The following COPS4 variants were observed in gnomAD, a reference collection of about 807,000 sequenced individuals.
COPS4 encodes COP9 signalosome complex subunit 4.
In COPS4, 8 loss-of-function variants were observed where a neutral mutation model predicts 55.1. That is an observed-to-expected ratio of 0.15 (90% CI 0.09 to 0.26). The LOEUF (loss-of-function observed/expected upper bound fraction) is 0.26. COPS4 is among the 10% of genes least tolerant of loss of function. COPS4 has a pLI of 1.00. For missense variants in COPS4, 248 were observed against 484.0 expected, an observed-to-expected ratio of 0.51 and a Z score of 4.58; for synonymous variants, 185 against 165.7, an observed-to-expected ratio of 1.12 and a Z score of -0.90.
rs960818183 is a variant in COPS4 at position 83,057,919 on chromosome 4, C to CA, written c.715+531dup. On this transcript the variant is annotated intron_variant, in intron 6 of 9. Transcript: ENST00000264389. ...CCAGGGCGACAGAGAGACTCTGTCT[C>CA]AAAAAAAAAAAAAAAAAAAAGAATA... Among the ~76,000 whole-genome samples, 534 of 53,568 alleles carry CA rather than the reference C, an allele frequency of 1.0e-2. 9 individuals carry two copies. Among genetic ancestry groups the CA allele is most frequent in the East Asian group, 0.062 (117 of 1,896 alleles). The allele number at this position is 53,568 out of a possible 152,430, so 35.1% of individuals were successfully genotyped here.
At chr4:83,066,275 A>C (rs1226979554) in intron 7 of COPS4, among the ~76,000 whole-genome samples, 163 bp from the exon 8 acceptor site, 4 of 152,244 alleles carry the variant, frequency 2.6e-5, no homozygotes, top group Non-Finnish European at 4.4e-5. Context: ...ATTTAATTGT[A>C]CATTAATGAA....
intron 4 of COPS4, among the ~76,000 whole-genome samples, chr4:83,054,033 C>T (rs1730955569): frequency 6.6e-6 from 1 of 151,756 alleles, no homozygotes; most frequent in South Asian, 2.1e-4. Context: ...AAAACGGTAC[C>T]AACTGTGAAG....
chr4:83,038,061 G>A (rs1730471742), intron 1 of COPS4, among the ~76,000 whole-genome samples: 1 of 152,198 alleles, frequency 6.6e-6, no homozygotes, highest in South Asian at 2.1e-4. Context: ...TGCATATTAT[G>A]CATTGTATTT....
At chr4:83,069,011 C>A (rs529942153) in intron 9 of COPS4, among the ~76,000 whole-genome samples, 1 of 151,702 alleles carries the variant, frequency 6.6e-6, no homozygotes, top group Non-Finnish European at 1.5e-5. Context: ...CTACTTACTG[C>A]AGGATTTTCT....
chr4:83,057,630 A>G (rs1368322839), intron 6 of COPS4, among the ~76,000 whole-genome samples: 8 of 152,318 alleles, frequency 5.3e-5, no homozygotes, highest in Non-Finnish European at 1.0e-4. Context: ...TGGTAAGAAT[A>G]GTTAAAAGAG....
chr4:83,064,325 A>C (rs1300987546), intron 7 of COPS4, among the ~76,000 whole-genome samples: 3 of 147,140 alleles, frequency 2.0e-5, no homozygotes, highest in Non-Finnish European at 4.6e-5. Flanking sequence ...TGACAGTGTA[A>C]GACCTTGTTA....
intron 1 of COPS4, among the ~76,000 whole-genome samples, chr4:83,040,615 C>T (rs866118585): frequency 2.0e-5 from 3 of 152,224 alleles, no homozygotes; most frequent in Non-Finnish European, 4.4e-5. Flanking sequence ...AGAAGTGCCA[C>T]TCTACCTCTC....
chr4:83,049,426 A>G, intron 3 of COPS4, 109 bp downstream of exon 3: 1 of 1,017,982 alleles, frequency 9.8e-7, no homozygotes, highest in Non-Finnish European at 1.4e-6. Context: ...CATTTTTGAC[A>G]AAACAGTGTG....
intron 4 of COPS4, among the ~76,000 whole-genome samples, chr4:83,052,166 T>C (rs1191808723): frequency 2.0e-5 from 3 of 152,120 alleles, no homozygotes; most frequent in Non-Finnish European, 4.4e-5. Flanking sequence ...TGGGCTACCC[T>C]GTGGGGGAGT....
intron 9 of COPS4, among the ~76,000 whole-genome samples, chr4:83,072,242 G>A (rs200428737): frequency 2.0e-5 from 3 of 151,514 alleles, no homozygotes; most frequent in East Asian, 1.9e-4. Context: ...GCACCACCAC[G>A]CTCATGCACC....
chr4:83,043,249 G>A (rs1467505659), intron 1 of COPS4, among the ~76,000 whole-genome samples: 1 of 151,932 alleles, frequency 6.6e-6, no homozygotes, highest in Non-Finnish European at 1.5e-5. Flanking sequence ...AGGCACAGTG[G>A]CTCAAGCCTG....
chr4:83,057,248 C>G lies in COPS4; in HGVS notation c.565-10C>G. On this transcript the variant is annotated splice_polypyrimidine_tract_variant and intron_variant, in intron 5 of 9. Transcript: ENST00000264389. ...TTTGTCCCCTAATTGAAATATTTTCCCTCTGTTAGGTATGCTATGCACGTG... is the reference window on the plus strand; with the variant it reads ...TTTGTCCCCTAATTGAAATATTTTCGCTCTGTTAGGTATGCTATGCACGTG... The G allele has an allele frequency of 6.4e-7, 1 of 1,571,546 alleles. No individual in the cohort carries two copies. The highest frequency in any genetic ancestry group is 1.2e-5 in the South Asian group (1 of 85,246).
At chr4:83,036,830 T>C (rs1380594327) in intron 1 of COPS4, among the ~76,000 whole-genome samples, 1 of 152,220 alleles carries the variant, frequency 6.6e-6, no homozygotes, top group East Asian at 1.9e-4. Flanking sequence ...TACTTTTTAT[T>C]TTGTTAAAGA....
At chr4:83,057,229 C>T in intron 5 of COPS4, 29 bp from the exon 6 acceptor site, 2 of 1,557,962 alleles carry the variant, frequency 1.3e-6, no homozygotes. Flanking sequence ...TTAATTTGTC[C>T]CCTAATTGAA....
intron 8 of COPS4, among the ~76,000 whole-genome samples, chr4:83,067,796 A>C (rs979482824): frequency 6.6e-6 from 1 of 152,212 alleles, no homozygotes. Flanking sequence ...TTGAGGCTTT[A>C]AGGTATGATC....
At chr4:83,057,993 A>G (rs140656798) in intron 6 of COPS4, among the ~76,000 whole-genome samples, 1,800 of 151,552 alleles carry the variant, frequency 0.012, 45 homozygotes, top group African/African-American at 0.04. Flanking sequence ...AGAAGTGGAT[A>G]TCAACTTGAG....
At chr4:83,045,748 C>T in intron 2 of COPS4, 43 bp downstream of exon 2, 3 of 1,358,432 alleles carry the variant, frequency 2.2e-6, no homozygotes, top group Non-Finnish European at 2.1e-6. Context: ...TATTACTGAG[C>T]TAGGACTTTA....
rs2126128637 is a variant in COPS4 at position 83,045,638 on chromosome 4, C to T, written c.87C>T (p.Ile29=). The change falls in exon 2 of 10, where the codon ATC becomes ATT. Residue 29 remains isoleucine, a synonymous_variant. Coordinates refer to ENST00000264389, the MANE Select transcript of COPS4 (RefSeq NM_016129.3). ...GGTATTGTTGTAGGTATCGTCAGAT[C>T]CTGGAAAAAGCCATTCAGTTATCTG... ...HKDLAGKYRQ[I]LEKAIQLSGA... The T allele has an allele frequency of 1.9e-6, 3 of 1,612,308 alleles. No homozygotes were observed. Among genetic ancestry groups the T allele is most frequent in the Non-Finnish European group, 2.5e-6 (3 of 1,178,744 alleles).
At chr4:83,073,368 A>C in intron 9 of COPS4, 1 of 610,374 alleles carries the variant, frequency 1.6e-6, no homozygotes, top group Non-Finnish European at 3.0e-6. Flanking sequence ...TCAGTGCTTC[A>C]TTCATTTTTA....
Sources: gnomAD v4.1 joint callset for allele counts (sites outside exome capture counted in the v4.1 genomes callset) on GRCh38, gnomAD v4.1.1 for gene constraint, MANE v1.5 for transcripts, NCBI Gene and HGNC (gene_info 2026-07-23, HGNC 2026-07-21) for gene names.